The following CPNE4 variants were observed in gnomAD, a reference collection of about 807,000 sequenced individuals.
CPNE4 encodes copine 4.
Under a neutral mutation model 67.9 loss-of-function variants are expected in CPNE4, and 25 were observed. The observed-to-expected ratio is 0.37, with a 90% CI of 0.27 to 0.51. CPNE4 has a LOEUF of 0.51. Among genes scored for constraint, CPNE4 ranks in the 20% least tolerant of loss-of-function variants. The pLI, the probability that CPNE4 is intolerant of heterozygous loss-of-function variation, is 0.93. For synonymous variants in CPNE4, 242 were observed against 244.9 expected (o/e 0.99, Z 0.11); for missense variants, 464 against 690.8 (o/e 0.67, Z 3.68).
At chr3:131,658,246 G>A (rs1376334500) in intron 7 of CPNE4, among the ~76,000 whole-genome samples, 1 of 152,168 alleles carries the variant, frequency 6.6e-6, no homozygotes, top group Non-Finnish European at 1.5e-5. Flanking sequence ...CTGAGTTCCT[G>A]TACCAGCAAA....
intron 1 of CPNE4, among the ~76,000 whole-genome samples, chr3:131,914,193 G>T (rs1376337887): frequency 6.6e-6 from 1 of 152,142 alleles, no homozygotes; most frequent in African/African-American, 2.4e-5. Flanking sequence ...TAGCTGTCCA[G>T]CCACAAAGTG....
At chr3:131,620,256 A>G (rs1940391669) in intron 7 of CPNE4, among the ~76,000 whole-genome samples, 1 of 152,212 alleles carries the variant, frequency 6.6e-6, no homozygotes, top group Admixed American at 6.5e-5. Context: ...AAATTGCTGT[A>G]ATTGTTTGGT....
chr3:131,743,118 T>A (rs1324368869), intron 2 of CPNE4, among the ~76,000 whole-genome samples: 1 of 152,192 alleles, frequency 6.6e-6, no homozygotes, highest in Admixed American at 6.5e-5. Flanking sequence ...TGATTATAGA[T>A]AAAAGAACAA....
At chr3:131,842,779 T>A (rs185255752) in intron 2 of CPNE4, among the ~76,000 whole-genome samples, 70 of 149,786 alleles carry the variant, frequency 4.7e-4, no homozygotes, top group African/African-American at 1.7e-3. Context: ...ACATCTGAAG[T>A]GCTGAATTGT....
chr3:131,581,802 C>G (rs1201104063), intron 8 of CPNE4, 137 bp from the exon 9 acceptor site: 1 of 654,628 alleles, frequency 1.5e-6, no homozygotes, highest in Non-Finnish European at 2.8e-6. Context: ...ACTCTTGCAT[C>G]TAGAGGAGCA....
At chr3:131,787,056 T>TA (rs2083584497) in intron 2 of CPNE4, among the ~76,000 whole-genome samples, 1 of 152,154 alleles carries the variant, frequency 6.6e-6, no homozygotes, top group Non-Finnish European at 1.5e-5. Context: ...TCACACATTT[T>TA]AAATTCAAAT....
intron 7 of CPNE4, among the ~76,000 whole-genome samples, chr3:131,633,845 C>T (rs1381324915): frequency 1.3e-5 from 2 of 151,964 alleles, no homozygotes; most frequent in African/African-American, 4.8e-5. Flanking sequence ...TGGTTCACTC[C>T]CCTTTCCCTT....
At chr3:132,000,987 C>A (rs572676414) in intron 1 of CPNE4, among the ~76,000 whole-genome samples, 1 of 152,084 alleles carries the variant, frequency 6.6e-6, no homozygotes, top group East Asian at 1.9e-4. Context: ...TGTTAAGAAG[C>A]TTGCCTAGAT....
chr3:131,898,583 C>T (rs4854629), intron 2 of CPNE4, among the ~76,000 whole-genome samples: 97,507 of 151,894 alleles, frequency 0.64, 31,532 homozygotes, highest in Admixed American at 0.73. Flanking sequence ...CATTATGACA[C>T]TGAAAATGTT....
intron 1 of CPNE4, among the ~76,000 whole-genome samples, chr3:132,009,193 G>A (rs942253150): frequency 1.3e-5 from 2 of 152,024 alleles, no homozygotes; most frequent in Admixed American, 6.5e-5. Flanking sequence ...ATATGTCAGG[G>A]TCTGCAGGGT....
intron 2 of CPNE4, among the ~76,000 whole-genome samples, chr3:131,878,891 G>A (rs1453093446): frequency 6.6e-6 from 1 of 152,212 alleles, no homozygotes; most frequent in Non-Finnish European, 1.5e-5. Context: ...CCTTGTTCTA[G>A]GTTCTGGAGA....
At chr3:131,764,022 A>G (rs900319087) in intron 2 of CPNE4, among the ~76,000 whole-genome samples, 1 of 152,096 alleles carries the variant, frequency 6.6e-6, no homozygotes, top group Non-Finnish European at 1.5e-5. Flanking sequence ...TACTTTTATG[A>G]TTCCTATTTC....
chr3:131,760,202 A>T (rs957611926), intron 2 of CPNE4, among the ~76,000 whole-genome samples: 2 of 152,192 alleles, frequency 1.3e-5, no homozygotes, highest in South Asian at 4.1e-4. Context: ...TGCTGTAAGG[A>T]CTGCCTAAGT....
chr3:131,553,505 G>A (rs904536941), intron 12 of CPNE4, among the ~76,000 whole-genome samples: 1 of 152,060 alleles, frequency 6.6e-6, no homozygotes, highest in African/African-American at 2.4e-5. Flanking sequence ...AGGAGGTGAT[G>A]TATACATATC....
At chr3:131,985,684 T>A (rs1239739513) in intron 1 of CPNE4, among the ~76,000 whole-genome samples, 1 of 152,174 alleles carries the variant, frequency 6.6e-6, no homozygotes, top group African/African-American at 2.4e-5. Flanking sequence ...CACTTCGTAA[T>A]CAGTGGAATT....
chr3:131,805,577 A>G (rs1307365322), intron 2 of CPNE4, among the ~76,000 whole-genome samples: 1 of 152,192 alleles, frequency 6.6e-6, no homozygotes. Context: ...ACTAGACATT[A>G]ACAGGGACTG....
chr3:131,542,165 C>T (rs1357072163), intron 15 of CPNE4, among the ~76,000 whole-genome samples: 1 of 152,026 alleles, frequency 6.6e-6, no homozygotes, highest in Non-Finnish European at 1.5e-5. Flanking sequence ...TCAGTTTCTG[C>T]TTGGTACTTT....
intron 1 of CPNE4, among the ~76,000 whole-genome samples, chr3:131,935,012 T>C (rs918842656): frequency 2.0e-5 from 3 of 152,158 alleles, no homozygotes; most frequent in African/African-American, 7.2e-5. Context: ...TTTAGGAGGA[T>C]GTAAAATATT....
chr3:131,748,987 CTTCT>C (rs1315674347), intron 2 of CPNE4, among the ~76,000 whole-genome samples: 1 of 150,892 alleles, frequency 6.6e-6, no homozygotes, highest in Non-Finnish European at 1.5e-5. Flanking sequence ...TCATTATTTC[CTTCT>C]TTCTTCTTGC....
Sources: allele counts gnomAD v4.1 joint callset (sites outside exome capture counted in the v4.1 genomes callset), GRCh38; gene constraint gnomAD v4.1.1; transcripts MANE v1.5; gene names NCBI Gene and HGNC (gene_info 2026-07-23, HGNC 2026-07-21).